PCDH15: variants seen among roughly 807,000 people sequenced by gnomAD.
The protein encoded by PCDH15 is protocadherin-15.
Under a neutral mutation model 178.5 loss-of-function variants are expected in PCDH15, and 129 were observed. That is an observed-to-expected ratio of 0.72 (90% CI 0.63 to 0.84). The LOEUF (loss-of-function observed/expected upper bound fraction) is 0.84. Among genes scored for constraint, PCDH15 ranks in the 40% least tolerant of loss-of-function variants. The probability of loss-of-function intolerance (pLI) is 0.00; values close to 1 mark genes in which losing one functional copy is unlikely to be tolerated. For synonymous variants in PCDH15, 800 were observed against 732.0 expected (o/e 1.09, Z -1.50); for missense variants, 2,230 against 2,099.9 (o/e 1.06, Z -1.21).
intron 19 of PCDH15, 145 bp downstream of exon 19, chr10:54,022,747 A>G (rs1464883461): frequency 2.4e-6 from 2 of 835,684 alleles, no homozygotes; most frequent in African/African-American, 3.4e-5. Context: ...AATATTGGAG[A>G]AATAATAAAA....
chr10:55,361,218 T>C (rs1845221044), intron 2 of PCDH15, among the ~76,000 whole-genome samples: 1 of 152,002 alleles, frequency 6.6e-6, no homozygotes, highest in Non-Finnish European at 1.5e-5. Flanking sequence ...TGAGATTAGA[T>C]ACAGCCCAAG....
At chr10:54,843,689 G>A (rs1160404982) in intron 3 of PCDH15, among the ~76,000 whole-genome samples, 2 of 151,936 alleles carry the variant, frequency 1.3e-5, no homozygotes, top group East Asian at 1.9e-4. Context: ...ATAATTTGAC[G>A]ATTGTTAACA....
At chr10:53,919,177 T>A (rs1394950679) in intron 25 of PCDH15, among the ~76,000 whole-genome samples, 2 of 152,110 alleles carry the variant, frequency 1.3e-5, no homozygotes, top group African/African-American at 4.8e-5. Flanking sequence ...AAGTCCCTTA[T>A]CTTATGTAAA....
intron 1 of PCDH15, among the ~76,000 whole-genome samples, chr10:55,175,663 CAAA>C (rs71014459): frequency 5.1e-4 from 54 of 106,648 alleles, no homozygotes; most frequent in Middle Eastern, 4.6e-3. Flanking sequence ...GACTCTGTCT[CAAA>C]AAAAAAAAAA....
At chr10:54,524,707 C>T (rs2083213829) in intron 3 of PCDH15, among the ~76,000 whole-genome samples, 1 of 152,176 alleles carries the variant, frequency 6.6e-6, no homozygotes, top group African/African-American at 2.4e-5. Flanking sequence ...CCATTCTCCC[C>T]TCAAAATGAA....
chr10:55,320,089 CCTCTGTGCTGCTTT>C (rs1310722321), upstream of PCDH15, among the ~76,000 whole-genome samples: 2 of 152,172 alleles, frequency 1.3e-5, no homozygotes, highest in Admixed American at 6.5e-5. Flanking sequence ...ACTGGAGCCT[CCTCTGTGCTGCTTT>C]GCCAGCATGC....
chr10:53,898,977 A>G (rs1446167002), intron 26 of PCDH15, among the ~76,000 whole-genome samples: 1 of 152,086 alleles, frequency 6.6e-6, no homozygotes, highest in East Asian at 1.9e-4. Flanking sequence ...ACCTAAATTA[A>G]CTCAGTGGTA....
intron 1 of PCDH15, among the ~76,000 whole-genome samples, chr10:55,283,137 C>T (rs975569648): frequency 3.3e-5 from 5 of 152,132 alleles, no homozygotes; most frequent in African/African-American, 1.2e-4. Flanking sequence ...CTGGGAATAA[C>T]ATCAGTATTG....
At chr10:54,717,107 A>T (rs2132441357) in intron 1 of PCDH15, among the ~76,000 whole-genome samples, 1 of 142,824 alleles carries the variant, frequency 7.0e-6, no homozygotes, top group South Asian at 2.2e-4. Context: ...ACAAAAATTA[A>T]TTCAAGATGG....
chr10:54,486,528 T>C (rs2079112143), intron 3 of PCDH15, among the ~76,000 whole-genome samples: 1 of 151,998 alleles, frequency 6.6e-6, no homozygotes, highest in Non-Finnish European at 1.5e-5. Flanking sequence ...TAGAGGCTAC[T>C]AGTTATTCCC....
intron 3 of PCDH15, among the ~76,000 whole-genome samples, chr10:54,407,751 CT>C (rs1952874284): frequency 6.6e-6 from 1 of 152,022 alleles, no homozygotes; most frequent in Non-Finnish European, 1.5e-5. Flanking sequence ...TCTAATTCCT[CT>C]TGCTAAAAAA....
chr10:53,924,392 C>A (rs1471014389), intron 25 of PCDH15, among the ~76,000 whole-genome samples: 2 of 152,218 alleles, frequency 1.3e-5, no homozygotes, highest in Admixed American at 6.5e-5. Context: ...CACTCAAATT[C>A]TCACTGGGCC....
intron 1 of PCDH15, among the ~76,000 whole-genome samples, chr10:54,794,736 C>A (rs1033337328): frequency 6.6e-5 from 10 of 151,824 alleles, no homozygotes; most frequent in Non-Finnish European, 7.4e-5. Context: ...ACACAGTAGA[C>A]TCTAAATATT....
chr10:54,891,885 C>T (rs935998407), intron 3 of PCDH15, among the ~76,000 whole-genome samples: 1 of 152,100 alleles, frequency 6.6e-6, no homozygotes, highest in Non-Finnish European at 1.5e-5. Context: ...CTGGTCACTA[C>T]TGTGCCCTAA....
intron 2 of PCDH15, among the ~76,000 whole-genome samples, chr10:55,567,082 A>T (rs2132105436): frequency 6.6e-6 from 1 of 152,144 alleles, no homozygotes; most frequent in East Asian, 1.9e-4. Context: ...AAAGACAGAC[A>T]TATGGACCGG....
At chr10:54,435,863 G>A (rs1253971809) in intron 3 of PCDH15, among the ~76,000 whole-genome samples, 7 of 151,826 alleles carry the variant, frequency 4.6e-5, no homozygotes, top group African/African-American at 1.5e-4. Context: ...CCAGCTACTC[G>A]GGAGGCTGAG....
intron 8 of PCDH15, among the ~76,000 whole-genome samples, chr10:54,287,373 C>T (rs111424546): frequency 6.6e-6 from 1 of 152,118 alleles, no homozygotes; most frequent in Non-Finnish European, 1.5e-5. Context: ...TACATGAAGA[C>T]AGAAATATTA....
intron 2 of PCDH15, among the ~76,000 whole-genome samples, chr10:54,537,111 G>C (rs2084652764): frequency 1.4e-5 from 2 of 146,022 alleles, no homozygotes; most frequent in Non-Finnish European, 3.0e-5. Context: ...CCAGTCTTCT[G>C]CCTCAGCCTC....
At chr10:53,839,946 C>A (rs2077539031) in intron 29 of PCDH15, among the ~76,000 whole-genome samples, 1 of 152,144 alleles carries the variant, frequency 6.6e-6, no homozygotes, top group Non-Finnish European at 1.5e-5. Context: ...TCTTAAAATG[C>A]AAGCATATGA....
Sources: gnomAD v4.1 joint callset for allele counts (sites outside exome capture counted in the v4.1 genomes callset) on GRCh38, gnomAD v4.1.1 for gene constraint, MANE v1.5 for transcripts, NCBI Gene and HGNC (gene_info 2026-07-23, HGNC 2026-07-21) for gene names.